Variants in UBXN4 observed in about 807,000 individuals in gnomAD.
The protein encoded by UBXN4 is UBX domain-containing protein 4.
A neutral mutation model predicts 66.2 loss-of-function variants in UBXN4; 35 were observed. The ratio of observed to expected loss-of-function variants is 0.53; its 90% CI spans 0.40 to 0.70. The LOEUF is 0.70. Ranked by LOEUF, UBXN4 falls within the 30% of genes least tolerant of loss-of-function variation. The pLI is 0.00. For missense variants in UBXN4, 533 were observed against 599.8 expected, an observed-to-expected ratio of 0.89 and a Z score of 1.16; for synonymous variants, 203 against 204.5, an observed-to-expected ratio of 0.99 and a Z score of 0.06.
intron 1 of UBXN4, among the ~76,000 whole-genome samples, chr2:135,743,770 A>T (rs2077191588): frequency 6.6e-6 from 1 of 152,216 alleles, no homozygotes; most frequent in South Asian, 2.1e-4. Flanking sequence ...GAAACGAGAG[A>T]TTTTTATTAA....
chr2:135,780,063 C>T, intron 11 of UBXN4, 120 bp from the exon 12 acceptor site: 1 of 860,712 alleles, frequency 1.2e-6, no homozygotes, highest in South Asian at 1.7e-5. Context: ...ATTTTACCCT[C>T]TTGAAGTAAA....
intron 1 of UBXN4, among the ~76,000 whole-genome samples, chr2:135,744,819 A>G (rs758725280): frequency 1.3e-5 from 2 of 152,208 alleles, no homozygotes; most frequent in Non-Finnish European, 2.9e-5. Context: ...AAGATACCAG[A>G]GTTAGCAATC....
chr2:135,746,424 A>G (rs887669627), intron 1 of UBXN4, among the ~76,000 whole-genome samples: 1 of 152,200 alleles, frequency 6.6e-6, no homozygotes, highest in African/African-American at 2.4e-5. Flanking sequence ...GGAGACAGAT[A>G]CTAGTAAACA....
intron 9 of UBXN4, among the ~76,000 whole-genome samples, chr2:135,774,948 T>G (rs72970297): frequency 0.066 from 10,021 of 152,164 alleles, 612 homozygotes; most frequent in African/African-American, 0.16. Flanking sequence ...AAAGAACCTG[T>G]GACTCAATTA....
intron 1 of UBXN4, 49 bp downstream of exon 1, chr2:135,742,060 A>C (rs757302148): frequency 8.2e-6 from 13 of 1,594,588 alleles, no homozygotes; most frequent in Admixed American, 1.7e-5. Context: ...CCTCCGGCCT[A>C]CCTTCATCCT....
chr2:135,755,450 G>A, intron 4 of UBXN4, 67 bp from the exon 5 acceptor site: 1 of 1,279,502 alleles, frequency 7.8e-7, no homozygotes. Context: ...CTGTATTTTG[G>A]TCTCTACTGC....
At chr2:135,770,538 T>C in intron 7 of UBXN4, 33 bp from the exon 8 acceptor site, 1 of 1,352,306 alleles carries the variant, frequency 7.4e-7, no homozygotes, top group Non-Finnish European at 9.7e-7. Flanking sequence ...GATTATCAAG[T>C]TTTTGGATCA....
chr2:135,763,106 C>T (rs2077325195), intron 6 of UBXN4, among the ~76,000 whole-genome samples: 3 of 152,204 alleles, frequency 2.0e-5, no homozygotes, highest in South Asian at 2.1e-4. Context: ...TATTCATCTG[C>T]GTTCATGCCA....
At chr2:135,749,142 GA>G (rs1367515226) in intron 2 of UBXN4, among the ~76,000 whole-genome samples, 2 of 152,096 alleles carry the variant, frequency 1.3e-5, no homozygotes, top group Non-Finnish European at 2.9e-5. Flanking sequence ...GAATCCTGCT[GA>G]AAAAACTTTA....
chr2:135,773,349 G>A (rs1187327472), intron 9 of UBXN4, among the ~76,000 whole-genome samples: 1 of 152,158 alleles, frequency 6.6e-6, no homozygotes, highest in Admixed American at 6.5e-5. Context: ...TCCAAATGGT[G>A]TCAGGAGAGC....
chr2:135,745,342 T>G (rs1459365591), intron 1 of UBXN4, among the ~76,000 whole-genome samples: 1 of 152,204 alleles, frequency 6.6e-6, no homozygotes, highest in Non-Finnish European at 1.5e-5. Context: ...CTCTTATCCT[T>G]TAGATTTTAG....
At chr2:135,773,148 TA>T (rs2077393877) in intron 9 of UBXN4, among the ~76,000 whole-genome samples, 5 of 152,188 alleles carry the variant, frequency 3.3e-5, no homozygotes, top group Admixed American at 6.5e-5. Flanking sequence ...TAGGATTCTT[TA>T]TTTTTCAGAA....
chr2:135,782,713 T>A, intron 12 of UBXN4, 36 bp from the exon 13 acceptor site: 2 of 1,600,244 alleles, frequency 1.2e-6, no homozygotes, highest in Non-Finnish European at 8.5e-7. Flanking sequence ...TTTTATTTTA[T>A]GACATCTTCC....
chr2:135,762,345 G>A (rs2077320492), intron 6 of UBXN4, among the ~76,000 whole-genome samples: 1 of 152,056 alleles, frequency 6.6e-6, no homozygotes, highest in South Asian at 2.1e-4. Flanking sequence ...CAAATTTCTG[G>A]CTCTTTGTAG....
chr2:135,772,710 G>T (rs759387912), intron 9 of UBXN4, among the ~76,000 whole-genome samples, 163 bp downstream of exon 9: 9 of 152,170 alleles, frequency 5.9e-5, no homozygotes, highest in Admixed American at 1.3e-4. Context: ...TCGTGTGAGT[G>T]TACACTAAAA....
At chr2:135,765,208 G>GTT (rs1203962581) in intron 6 of UBXN4, among the ~76,000 whole-genome samples, 2 of 144,752 alleles carry the variant, frequency 1.4e-5, no homozygotes. Flanking sequence ...ATTTCATTAT[G>GTT]TTTTTTTTTT....
chr2:135,753,579 G>A lies in UBXN4; in HGVS notation c.214+12G>A. On this transcript the variant is annotated intron_variant, in intron 3 of 12. Coordinates refer to ENST00000272638, the MANE Select transcript of UBXN4 (RefSeq NM_014607.4). ...GTTTTCACAAATCTGTATCCTTTCA[G>A]TAAAGAATGGCTTATATATATACAT... 6.5e-7 allele frequency: 1 copy of A among 1,527,762 alleles called. No homozygotes were observed. The highest frequency in any genetic ancestry group is 8.7e-7 in the Non-Finnish European group (1 of 1,147,736). 94.6% of individuals were successfully genotyped at this position (1,527,762 alleles called of 1,614,324 possible). A position where few individuals can be genotyped will look rare whatever the true frequency, so the allele number is the denominator to read the frequency against.
chr2:135,749,039 CAA>C (rs557855527), intron 2 of UBXN4, among the ~76,000 whole-genome samples: 7 of 134,644 alleles, frequency 5.2e-5, no homozygotes, highest in Admixed American at 7.5e-5. Flanking sequence ...AAGACTATCT[CAA>C]AAAAAAAAAA....
chr2:135,768,062 A>G (rs2077358356), intron 6 of UBXN4, among the ~76,000 whole-genome samples: 1 of 152,186 alleles, frequency 6.6e-6, no homozygotes, highest in African/African-American at 2.4e-5. Flanking sequence ...TAGAGAAAAT[A>G]CCATTTTCAT....
Sources: gnomAD v4.1 joint callset for allele counts (sites outside exome capture counted in the v4.1 genomes callset) on GRCh38, gnomAD v4.1.1 for gene constraint, MANE v1.5 for transcripts, NCBI Gene and HGNC (gene_info 2026-07-23, HGNC 2026-07-21) for gene names.